The following COL5A1 variants were observed in gnomAD, a reference collection of about 807,000 sequenced individuals.
The protein encoded by COL5A1 is collagen type V alpha 1 chain.
COL5A1 carries 16 observed loss-of-function variants against 263.7 expected under a neutral mutation model. The observed-to-expected ratio is 0.06, with a 90% CI of 0.04 to 0.09. COL5A1 has a LOEUF of 0.09. Ranked by LOEUF, COL5A1 falls within the 10% of genes least tolerant of loss-of-function variation. The pLI is 1.00. For synonymous variants in COL5A1, 1,012 were observed against 1,004.5 expected (o/e 1.01, Z -0.14); for missense variants, 2,036 against 2,540.5 (o/e 0.80, Z 4.27).
intron 24 of COL5A1, 126 bp from the exon 25 acceptor site, chr9:134,768,284 C>T: frequency 1.1e-6 from 1 of 911,052 alleles, no homozygotes; most frequent in Non-Finnish European, 1.8e-6. Flanking sequence ...GACCCAGTGC[C>T]TCTGACCACA....
rs1055186139 is a variant in COL5A1 at position 134,795,004 on chromosome 9, A to G, written c.2701-78A>G. The G allele has an allele frequency of 2.0e-6, 3 of 1,507,806 alleles. No individual in the cohort carries two copies. In the Middle Eastern group the frequency reaches 5.1e-4, roughly 258 times the overall value. The allele number at this position is 1,507,806 out of a possible 1,614,324, so 93.4% of individuals were successfully genotyped here. On this transcript the variant is annotated intron_variant, in intron 32 of 65. Coordinates refer to ENST00000371817, the MANE Select transcript of COL5A1 (RefSeq NM_000093.5). The stretch of plus-strand genomic sequence containing the variant: ...CCTGCTCTGAATTCACAGTCTCTCA[A>G]TAACCCGGGAGACAGCTGCCACCTG...
At chr9:134,699,823 C>G (rs549407028) in intron 2 of COL5A1, 86 bp from the exon 3 acceptor site, 1 of 1,336,502 alleles carries the variant, frequency 7.5e-7, no homozygotes, top group South Asian at 1.2e-5. Flanking sequence ...CCCAGGGTCC[C>G]GGGCTGGCTT....
chr9:134,830,276 C>A, intron 64 of COL5A1: 1 of 1,254,990 alleles, frequency 8.0e-7, no homozygotes, highest in Non-Finnish European at 1.1e-6. Flanking sequence ...GTGTGCCACA[C>A]CGCTCTTGCC....
Position 134,678,164 on chromosome 9 carries a change from C to T in COL5A1, c.110-12748C>T, listed in dbSNP as rs1832734307. On this transcript the variant is annotated intron_variant, in intron 1 of 65. Coordinates refer to ENST00000371817, the MANE Select transcript of COL5A1 (RefSeq NM_000093.5). This position sits in a 1 kb window ranked among gnomAD's most constrained non-coding sequence, Gnocchi z 5.5. ...CATGGTGCAGAGGAAAGATTTTGGACCCAAATGGATGCTGTCTGAAACTCA... is the reference window on the plus strand; with the variant it reads ...CATGGTGCAGAGGAAAGATTTTGGATCCAAATGGATGCTGTCTGAAACTCA... Among the ~76,000 whole-genome samples the T allele has an allele frequency of 6.6e-6, 1 of 152,158 alleles. No individual in the cohort carries two copies. Among genetic ancestry groups the T allele is most frequent in the African/African-American group, 2.4e-5 (1 of 41,408 alleles).
At chr9:134,796,601 GGGCC>G in intron 35 of COL5A1, among the ~76,000 whole-genome samples, 183 bp downstream of exon 35, 1 of 152,206 alleles carries the variant, frequency 6.6e-6, no homozygotes, top group Admixed American at 6.5e-5. Flanking sequence ...CGTAGGTCAG[GGGCC>G]TCGACCGCAG....
At chr9:134,804,599 G>C (rs868709773) in intron 39 of COL5A1, among the ~76,000 whole-genome samples, 97 of 152,342 alleles carry the variant, frequency 6.4e-4, no homozygotes, top group South Asian at 1.4e-3. Flanking sequence ...TGGAGCAGGG[G>C]TAGAGTCAGA....
intron 39 of COL5A1, 106 bp downstream of exon 39, chr9:134,803,101 C>A: frequency 1.1e-6 from 1 of 915,604 alleles, no homozygotes; most frequent in Non-Finnish European, 1.8e-6. Context: ...ATTCGTCAAA[C>A]AGACGCTTCT....
rs770378717 is a variant in COL5A1 at position 134,830,052 on chromosome 9, G to A, written c.5136+8G>A. On this transcript the variant is annotated splice_region_variant and intron_variant, in intron 64 of 65. Coordinates refer to ENST00000371817, the MANE Select transcript of COL5A1 (RefSeq NM_000093.5). ...TTCAAGCGTGGGAAACTGGTAAGGT[G>A]GCCTCTGGCGTCTTTGCGGTTGTCA... 4 of 1,613,984 alleles carry A rather than the reference G, an allele frequency of 2.5e-6. No individual in the cohort carries two copies. Among genetic ancestry groups the A allele is most frequent in the Non-Finnish European group, 3.4e-6 (4 of 1,179,960 alleles).
Position 134,773,085 on chromosome 9 carries a change from C to T in COL5A1, c.2331+251C>T, listed in dbSNP as rs992545126. Among the ~76,000 whole-genome samples, 7 of 152,288 alleles carry T rather than the reference C, an allele frequency of 4.6e-5. 1 individual carries two copies. The South Asian group carries it at 1.0e-3, about 23-fold the overall frequency. ...CTCCAGTTGCTGCCCATGACCGGATCGGGTGCCCATGACCAGATGGGGTGT... is the reference window on the plus strand; with the variant it reads ...CTCCAGTTGCTGCCCATGACCGGATTGGGTGCCCATGACCAGATGGGGTGT... On this transcript the variant is annotated intron_variant, in intron 26 of 65. Coordinates refer to ENST00000371817, the MANE Select transcript of COL5A1 (RefSeq NM_000093.5).
In COL5A1 at chr9:134,768,825, G is replaced by A. The variant is rs568053091; in HGVS notation, c.2286+362G>A. On this transcript the variant is annotated intron_variant, in intron 25 of 65. Transcript: ENST00000371817. ...GGTTGGAAGCGAAGAGGCAGGGTAC[G>A]TGGTGTGTATTTTTAGTGTTCACAC... 2.6e-5 allele frequency among the ~76,000 whole-genome samples: 4 copies of A among 152,374 alleles called. No individual in the cohort carries two copies. The South Asian group carries it at 8.3e-4, about 32-fold the overall frequency.
intron 38 of COL5A1, 87 bp from the exon 39 acceptor site, chr9:134,802,801 C>A (rs1838160161): frequency 9.9e-7 from 1 of 1,013,958 alleles, no homozygotes; most frequent in Non-Finnish European, 1.5e-6. Flanking sequence ...CGTCCATGAC[C>A]AGGGCTGTCC....
At chr9:134,661,349 T>C (rs1238922525) in intron 1 of COL5A1, among the ~76,000 whole-genome samples, 1 of 151,480 alleles carries the variant, frequency 6.6e-6, no homozygotes, top group African/African-American at 2.4e-5. Flanking sequence ...CCACCCCAGA[T>C]CTTTCAAGGG....
chr9:134,762,602 G>A (rs889925655), intron 19 of COL5A1, among the ~76,000 whole-genome samples: 7 of 152,204 alleles, frequency 4.6e-5, no homozygotes, highest in East Asian at 1.9e-4. Flanking sequence ...TGGGATGCAC[G>A]AGGCTGTGGG....
At chr9:134,799,871 T>C (rs556872804) in intron 37 of COL5A1, among the ~76,000 whole-genome samples, 1 of 152,378 alleles carries the variant, frequency 6.6e-6, no homozygotes, top group East Asian at 1.9e-4. Flanking sequence ...CTCTGACTTA[T>C]TCTGGACGGA....
chr9:134,758,398 C>A lies in COL5A1; in HGVS notation c.1935+102C>A. ...GGCAGCCTCAGATTTCCTGTGGGGT[C>A]AGGTCTCCGCCATTCCAACAGTCAG... is the stretch of plus-strand genomic sequence containing the variant. On this transcript the variant is annotated intron_variant, in intron 18 of 65. Transcript: ENST00000371817. The surrounding 1 kb of genome is among the most constrained non-coding windows in gnomAD (Gnocchi z 4.1). 1.7e-6 allele frequency: 2 copies of A among 1,176,730 alleles called. No individual in the cohort carries two copies. The highest frequency in any genetic ancestry group is 2.5e-5 in the South Asian group (2 of 80,288). The allele number at this position is 1,176,730 out of a possible 1,614,324, so 72.9% of individuals were successfully genotyped here.
chr9:134,783,066 G>A (rs1837320684), intron 29 of COL5A1, among the ~76,000 whole-genome samples: 3 of 152,220 alleles, frequency 2.0e-5, no homozygotes, highest in South Asian at 4.1e-4. Context: ...AGGGATAAGC[G>A]GTGCCTGGGA....
At chr9:134,662,088 G>T (rs531311678) in intron 1 of COL5A1, among the ~76,000 whole-genome samples, 9 of 150,250 alleles carry the variant, frequency 6.0e-5, no homozygotes, top group Admixed American at 2.7e-4. Context: ...AAATTACTGG[G>T]CTCTAAGTAT....
At chr9:134,835,239 C>T (rs1247421268) in intron 65 of COL5A1, 35 bp downstream of exon 65, 1 of 1,578,818 alleles carries the variant, frequency 6.3e-7, no homozygotes. Context: ...CACCCCTGCT[C>T]ACGCCTCCGT....
intron 25 of COL5A1, 33 bp downstream of exon 25, chr9:134,768,496 C>G: frequency 6.2e-7 from 1 of 1,601,826 alleles, no homozygotes. Context: ...TCCCTCCATA[C>G]TCTCCCCACC....
Sources: gnomAD v4.1 joint callset for allele counts (sites outside exome capture counted in the v4.1 genomes callset) on GRCh38, gnomAD v4.1.1 for gene constraint, Gnocchi (gnomAD v3.1) non-coding constraint, MANE v1.5 for transcripts, NCBI Gene and HGNC (gene_info 2026-07-23, HGNC 2026-07-21) for gene names.